Variants in HHIPL2 observed in about 807,000 individuals in gnomAD.
HHIPL2 encodes HHIP like 2.
In HHIPL2, 61 loss-of-function variants were observed where a neutral mutation model predicts 61.0. The ratio of observed to expected loss-of-function variants is 1.00; its 90% CI spans 0.81 to 1.24. The LOEUF (loss-of-function observed/expected upper bound fraction) is 1.24. HHIPL2 is among the 50% of genes most tolerant of loss of function. The pLI is 0.00. For missense variants in HHIPL2, 885 were observed against 910.2 expected (o/e 0.97, Z 0.36); for synonymous variants, 343 against 357.4 (o/e 0.96, Z 0.45).
rs937281891 is a variant in HHIPL2, at chr1:222,543,932, G to A, written c.579C>T (p.His193=). The change falls in exon 2 of 9, where the codon CAC becomes CAT. Residue 193 remains histidine (H), a synonymous_variant. Transcript: ENST00000343410. ...NVLRNDYLNR[H]LGMVAQDPQG... is the part of the protein sequence containing the mutation. ...GAGGATCTTGGGCCACCATGCCCAG[G>A]TGGCGGTTGAGATAGTCGTTCCTCA... is the stretch of plus-strand genomic sequence containing the variant. The A allele has an allele frequency of 6.2e-6, 10 of 1,614,106 alleles. No individual in the cohort carries two copies. The highest frequency in any genetic ancestry group is 7.6e-6 in the Non-Finnish European group (9 of 1,180,052).
In HHIPL2 at chr1:222,542,165, A is replaced by G; in HGVS notation, c.975-10T>C. On this transcript the variant is annotated splice_polypyrimidine_tract_variant and intron_variant, in intron 2 of 8. Transcript: ENST00000343410. ...AATCTCCAAGATGACCCTGGAAGAG[A>G]AAAAAGAAACCACACGTTAGGATTT... 1 of 1,610,834 alleles carries G rather than the reference A, an allele frequency of 6.2e-7. No homozygotes were observed. Among genetic ancestry groups the G allele is most frequent in the Non-Finnish European group, 8.5e-7 (1 of 1,179,248 alleles).
chr1:222,544,934 C>T (rs966279320), intron 1 of HHIPL2, among the ~76,000 whole-genome samples: 4 of 152,158 alleles, frequency 2.6e-5, no homozygotes, highest in African/African-American at 9.7e-5. Context: ...TTAATATATG[C>T]AAAGTACCAT....
chr1:222,547,355 C>T (rs9441828), intron 1 of HHIPL2, among the ~76,000 whole-genome samples: 119,856 of 152,124 alleles, frequency 0.79, 48,145 homozygotes, highest in East Asian at 1. Context: ...GTAAATTCCA[C>T]GGGTTTAAGT....
Position 222,547,805 on chromosome 1 carries a change from G to C in HHIPL2, c.240C>G (p.Ala80=). ...AATATTCCATGATGTCCCAGTACCG[G>C]GCAGCGATGCGGCGGTCCTTGTGCT... ...CDQHKDRRIA[A]RYWDIMEYFD... is the part of the protein sequence containing the mutation. Residue 80 remains alanine (A), a synonymous_variant, in exon 1 of 9, where the codon GCC becomes GCG. Coordinates refer to ENST00000343410, the MANE Select transcript of HHIPL2 (RefSeq NM_024746.4). 2 of 1,614,158 alleles carry C rather than the reference G, an allele frequency of 1.2e-6. No individual in the cohort carries two copies. The highest frequency in any genetic ancestry group is 1.7e-6 in the Non-Finnish European group (2 of 1,180,030).
intron 2 of HHIPL2, 32 bp from the exon 3 acceptor site, chr1:222,542,187 A>T (rs1659447329): frequency 6.2e-7 from 1 of 1,607,504 alleles, no homozygotes; most frequent in Non-Finnish European, 8.5e-7. Flanking sequence ...ACACGTTAGG[A>T]TTTGACACAA....
At chr1:222,528,433 C>T (rs1020904290) in intron 6 of HHIPL2, among the ~76,000 whole-genome samples, 10 of 152,122 alleles carry the variant, frequency 6.6e-5, no homozygotes, top group Non-Finnish European at 1.3e-4. Flanking sequence ...ATGGCAAAAC[C>T]CCCTCTCTAC....
intron 6 of HHIPL2, among the ~76,000 whole-genome samples, chr1:222,528,976 A>G (rs1320803863): frequency 6.6e-6 from 1 of 152,008 alleles, no homozygotes; most frequent in Non-Finnish European, 1.5e-5. Flanking sequence ...GCATGCCACC[A>G]CATCAGGATC....
chr1:222,548,073 T>C lies in HHIPL2; in HGVS notation c.-29A>G. On this transcript the variant is annotated 5_prime_UTR_variant, in exon 1 of 9. Coordinates refer to ENST00000343410, the MANE Select transcript of HHIPL2 (RefSeq NM_024746.4). ...GGCCTTGGGAACACTCGGGCTGCTG[T>C]GTTTGCTCAGGTTGGCTTCCCTGCT... The C allele has an allele frequency of 6.6e-7, 1 of 1,508,902 alleles. No individual in the cohort carries two copies. The highest frequency in any genetic ancestry group is 8.9e-7 in the Non-Finnish European group (1 of 1,118,702). 93.5% of individuals were successfully genotyped at this position (1,508,902 alleles called of 1,614,324 possible). A position where few individuals can be genotyped will look rare whatever the true frequency, so the allele number is the denominator to read the frequency against.
intron 8 of HHIPL2, 100 bp downstream of exon 8, chr1:222,523,512 G>T (rs1263840360): frequency 9.3e-7 from 1 of 1,073,094 alleles, no homozygotes; most frequent in South Asian, 1.3e-5. Context: ...CCCTCAGGGG[G>T]TAACTAAGAC....
chr1:222,524,492 T>C (rs1399945641), intron 7 of HHIPL2, among the ~76,000 whole-genome samples: 1 of 152,234 alleles, frequency 6.6e-6, no homozygotes, highest in Non-Finnish European at 1.5e-5. Context: ...ACTCATTGAG[T>C]CTTCCTAACA....
intron 6 of HHIPL2, among the ~76,000 whole-genome samples, chr1:222,530,920 A>AT (rs1475007919): frequency 1.3e-5 from 2 of 152,216 alleles, no homozygotes; most frequent in African/African-American, 4.8e-5. Flanking sequence ...CTGTCCTCAC[A>AT]TAAAAAAAGA....
Position 222,540,228 on chromosome 1 carries a change from G to T in HHIPL2, c.1232C>A (p.Pro411His), listed in dbSNP as rs1659402290. 5 of 1,614,258 alleles carry T rather than the reference G, an allele frequency of 3.1e-6. No homozygotes were observed. The highest frequency in any genetic ancestry group is 1.3e-5 in the African/African-American group (1 of 75,064). ...CCTGATCCCATAGGCATAGATGGCG[G>T]GGTGGGCCCCTGGCTCAGAAACAAA... Reference protein sequence around the residue: ...NPFVSEPGAHPAIYAYGIRNM... With the variant: ...NPFVSEPGAHHAIYAYGIRNM... The change falls in exon 4 of 9, where the codon CCC (proline) becomes CAC (histidine). Residue 411 changes from proline (P) to histidine (H), a missense_variant. By Grantham distance (77) the Pro-to-His change is moderately conservative (BLOSUM62 -2). Coordinates refer to ENST00000343410, the MANE Select transcript of HHIPL2 (RefSeq NM_024746.4).
chr1:222,532,076 T>G lies in HHIPL2; in HGVS notation c.1613A>C (p.Lys538Thr), dbSNP rs61748612. 4.8e-3 allele frequency: 7,781 copies of G among 1,613,950 alleles called. 27 individuals are homozygous for G. The highest frequency in any genetic ancestry group is 5.6e-3 in the Non-Finnish European group (6,625 of 1,179,844). The change falls in exon 6 of 9, where the codon AAG becomes ACG. Residue 538 changes from lysine (K) to threonine (T), a missense_variant. Lys to Thr is a moderately conservative substitution (Grantham distance 78, BLOSUM62 -1). Coordinates refer to ENST00000343410, the MANE Select transcript of HHIPL2 (RefSeq NM_024746.4). The stretch of plus-strand genomic sequence containing the variant: ...GCAAAGATCCTGCTTCTTCCATTTC[T>G]TGTTTTTTCTATCTTCCTGCAAAGC... ...LMALQEDRKN[K>T]KWKKQDLCLG...
rs371173373 is a variant in HHIPL2, at chr1:222,541,972, C to T, written c.1118+40G>A. On this transcript the variant is annotated intron_variant, in intron 3 of 8. Coordinates refer to ENST00000343410, the MANE Select transcript of HHIPL2 (RefSeq NM_024746.4). Reference sequence around the variant, plus strand: ...CTGCAAAAACACCACACCAGGGGCTCACTCTGAAGGGACAAGGGCCCGGCC... The same window carrying T: ...CTGCAAAAACACCACACCAGGGGCTTACTCTGAAGGGACAAGGGCCCGGCC... The T allele has an allele frequency of 6.4e-6, 10 of 1,560,984 alleles. No homozygotes were observed. The African/African-American group carries it at 1.4e-4, about 22-fold the overall frequency.
intron 3 of HHIPL2, among the ~76,000 whole-genome samples, chr1:222,541,389 T>C (rs1305102951): frequency 6.6e-6 from 1 of 152,198 alleles, no homozygotes; most frequent in Non-Finnish European, 1.5e-5. Context: ...GACCTCTGTG[T>C]CTCCATTTTC....
intron 5 of HHIPL2, among the ~76,000 whole-genome samples, chr1:222,535,180 C>T (rs1025224704): frequency 6.6e-6 from 1 of 152,066 alleles, no homozygotes; most frequent in African/African-American, 2.4e-5. Context: ...GGCGCAGCCT[C>T]TAAAGAATCA....
intron 4 of HHIPL2, 44 bp from the exon 5 acceptor site, chr1:222,538,818 T>C (rs1659363477): frequency 6.2e-7 from 1 of 1,607,146 alleles, no homozygotes; most frequent in Non-Finnish European, 8.5e-7. Context: ...TGGCCTAAAA[T>C]TGAAAGCTTC....
intron 2 of HHIPL2, among the ~76,000 whole-genome samples, chr1:222,543,309 A>G (rs1246330439): frequency 6.6e-6 from 1 of 152,210 alleles, no homozygotes; most frequent in Non-Finnish European, 1.5e-5. Flanking sequence ...TTGTAAAGAC[A>G]GGAAAGTATG....
chr1:222,530,166 T>C (rs1435270809), intron 6 of HHIPL2, among the ~76,000 whole-genome samples: 2 of 95,758 alleles, frequency 2.1e-5, no homozygotes, highest in Non-Finnish European at 3.6e-5. Context: ...ATGACTGTTG[T>C]TTTTTTTTTA....
Sources: allele counts gnomAD v4.1 joint callset (sites outside exome capture counted in the v4.1 genomes callset), GRCh38; gene constraint gnomAD v4.1.1; transcripts MANE v1.5; gene names NCBI Gene and HGNC (gene_info 2026-07-23, HGNC 2026-07-21).